VPS37B: variants seen among roughly 807,000 people sequenced by gnomAD.
VPS37B encodes the protein VPS37B subunit of ESCRT-I, also known as vacuolar protein sorting-associated protein 37B.
VPS37B carries 11 observed loss-of-function variants against 21.2 expected under a neutral mutation model. The observed-to-expected ratio is 0.52, with a 90% CI of 0.33 to 0.86. The LOEUF is 0.86. Ranked by LOEUF, VPS37B falls within the 40% of genes least tolerant of loss-of-function variation. The pLI is 0.03. For synonymous variants in VPS37B, 175 were observed against 159.6 expected (o/e 1.10, Z -0.73); for missense variants, 389 against 374.8 (o/e 1.04, Z -0.31).
At chr12:122,888,436 C>A in intron 1 of VPS37B, 1 of 404,692 alleles carries the variant, frequency 2.5e-6, no homozygotes, top group Non-Finnish European at 5.1e-6. Context: ...CCAACGAGAA[C>A]TCTTGTCTCA....
At chr12:122,872,205 G>A (rs922856269) in intron 1 of VPS37B, 4 of 985,232 alleles carry the variant, frequency 4.1e-6, no homozygotes, top group African/African-American at 3.5e-5. Context: ...GCGCTCACAC[G>A]AGTGCACACG....
chr12:122,881,775 C>T (rs2034250526), intron 1 of VPS37B: 1 of 152,102 alleles, frequency 6.6e-6, no homozygotes, highest in Non-Finnish European at 1.5e-5. Flanking sequence ...TAACAACAAT[C>T]ATCTAAGGTT....
At chr12:122,879,025 ATGATGTGGT>A (rs1408922646) in intron 1 of VPS37B, 1 of 152,350 alleles carries the variant, frequency 6.6e-6, no homozygotes, top group Non-Finnish European at 1.5e-5. Flanking sequence ...CGGGGGCAGC[ATGATGTGGT>A]CACAAGCCCA....
intron 1 of VPS37B, among the ~76,000 whole-genome samples, chr12:122,892,355 CAATGT>C (rs985345966): frequency 6.6e-6 from 1 of 152,136 alleles, no homozygotes; most frequent in African/African-American, 2.4e-5. Context: ...ACAATTAAAA[CAATGT>C]AAGTGACGCA....
At chr12:122,895,881 C>G in intron 1 of VPS37B, 71 bp downstream of exon 1, 2 of 1,460,584 alleles carry the variant, frequency 1.4e-6, no homozygotes, top group Non-Finnish European at 1.9e-6. Context: ...GCCTCCGCCT[C>G]CGGCCACCGT....
chr12:122,885,690 T>TA (rs2034314233), intron 1 of VPS37B: 1 of 135,854 alleles, frequency 7.4e-6, no homozygotes, highest in Non-Finnish European at 1.6e-5. Flanking sequence ...ATTTTTTTTT[T>TA]TTTTTTTTTT....
chr12:122,871,506 C>T (rs1411929624), intron 1 of VPS37B: 1 of 987,400 alleles, frequency 1.0e-6, no homozygotes, highest in Non-Finnish European at 1.2e-6. Context: ...TCAATTCAGG[C>T]TTCATAAGCA....
In VPS37B at chr12:122,868,497, T is replaced by C. The variant is rs1431511578; in HGVS notation, c.349A>G (p.Ile117Val). 1.9e-6 allele frequency: 3 copies of C among 1,613,532 alleles called. No individual in the cohort carries two copies. Among genetic ancestry groups the C allele is most frequent in the Non-Finnish European group, 2.5e-6 (3 of 1,179,894 alleles). Reference protein sequence around the residue: ...LALLQAEGAKIEEDTENMAEK... With the variant: ...LALLQAEGAKVEEDTENMAEK... ...GGCTTTACCTCAGTGTCTTCCTCAA[T>C]CTTGGCCCCTTCTGCCTGAAGAAGT... Residue 117 changes from isoleucine (I) to valine (V), a missense_variant, in exon 3 of 4, where the codon ATT becomes GTT. Physicochemically the swap from Ile to Val is conservative, Grantham distance 29. Coordinates refer to ENST00000267202, the MANE Select transcript of VPS37B (RefSeq NM_024667.3). The surrounding 1 kb of genome is among the most constrained non-coding windows in gnomAD (Gnocchi z 5.5).
intron 1 of VPS37B, chr12:122,873,726 T>TCAGC (rs1241443829): frequency 6.6e-6 from 1 of 152,288 alleles, no homozygotes; most frequent in African/African-American, 2.4e-5. Flanking sequence ...CCACCCTCTG[T>TCAGC]CAGCGCCCAT....
intron 1 of VPS37B, chr12:122,872,646 C>T (rs751095333): frequency 5.8e-5 from 57 of 985,294 alleles, no homozygotes; most frequent in Non-Finnish European, 6.3e-5. Flanking sequence ...CATGCAGAAG[C>T]GTCTTTCCTT....
intron 1 of VPS37B, chr12:122,872,343 C>T: frequency 1.0e-6 from 1 of 985,420 alleles, no homozygotes; most frequent in South Asian, 4.7e-5. Flanking sequence ...TGATCTGCAT[C>T]TCCAGACAAC....
intron 1 of VPS37B, among the ~76,000 whole-genome samples, chr12:122,893,981 A>G (rs1180140425): frequency 1.3e-5 from 2 of 152,216 alleles, no homozygotes; most frequent in African/African-American, 4.8e-5. Flanking sequence ...GCTTCCCTCC[A>G]CTAAAGGCAG....
At chr12:122,888,320 T>G (rs913334888) in intron 1 of VPS37B, 5 of 328,502 alleles carry the variant, frequency 1.5e-5, no homozygotes, top group African/African-American at 1.1e-4. Context: ...ATTCTTCCCT[T>G]GGAAGAAATT....
In VPS37B at chr12:122,867,033, G is replaced by T. The variant is rs1302971641; in HGVS notation, c.*83C>A. 9 of 1,434,834 alleles carry T rather than the reference G, an allele frequency of 6.3e-6. No homozygotes were observed. Among genetic ancestry groups the T allele is most frequent in the Non-Finnish European group, 8.2e-6 (9 of 1,091,660 alleles). The allele number at this position is 1,434,834 out of a possible 1,614,324, so 88.9% of individuals were successfully genotyped here. On this transcript the variant is annotated 3_prime_UTR_variant, in exon 4 of 4. Transcript: ENST00000267202. The surrounding 1 kb of genome is among the most constrained non-coding windows in gnomAD (Gnocchi z 5.5). Reference sequence around the variant, plus strand: ...CCAGGGCCCCAGAGCCCTTGGCACAGAGCGGACCTCCAGCCTCCTTCCCGT... The same window carrying T: ...CCAGGGCCCCAGAGCCCTTGGCACATAGCGGACCTCCAGCCTCCTTCCCGT...
chr12:122,876,818 A>AAG (rs1366018765), intron 1 of VPS37B: 3 of 152,112 alleles, frequency 2.0e-5, no homozygotes, highest in African/African-American at 7.2e-5. Flanking sequence ...CAAGAAAGAA[A>AAG]AGAGATCTAC....
intron 1 of VPS37B, among the ~76,000 whole-genome samples, chr12:122,892,648 T>C (rs1045096828): frequency 3.3e-5 from 5 of 152,260 alleles, no homozygotes; most frequent in Admixed American, 3.3e-4. Context: ...CTGGGCGTGG[T>C]GGCCCATGCC....
intron 2 of VPS37B, chr12:122,869,971 A>C (rs979080174): frequency 1.3e-5 from 2 of 151,488 alleles, no homozygotes; most frequent in African/African-American, 4.9e-5. Context: ...AACAATCTTT[A>C]ATTCTGATGT....
At chr12:122,881,416 T>G (rs995156207) in intron 1 of VPS37B, 1 of 152,222 alleles carries the variant, frequency 6.6e-6, no homozygotes, top group African/African-American at 2.4e-5. Flanking sequence ...TCAAGGCCAG[T>G]CTAGGCAACA....
intron 1 of VPS37B, chr12:122,873,260 C>T (rs138262482): frequency 1.3e-5 from 2 of 152,322 alleles, no homozygotes; most frequent in Non-Finnish European, 2.9e-5. Context: ...GAAGGGGACA[C>T]AGGATCTCTC....
Sources: allele counts gnomAD v4.1 joint callset (sites outside exome capture counted in the v4.1 genomes callset), GRCh38; gene constraint gnomAD v4.1.1; non-coding constraint Gnocchi (gnomAD v3.1); transcripts MANE v1.5; gene names NCBI Gene and HGNC (gene_info 2026-07-23, HGNC 2026-07-21).